Variants in TPST1 observed in about 807,000 individuals in gnomAD.
The protein encoded by TPST1 is tyrosylprotein sulfotransferase 1, also known as protein-tyrosine sulfotransferase 1.
A neutral mutation model predicts 34.8 loss-of-function variants in TPST1; 20 were observed. The observed-to-expected ratio is 0.57, with a 90% CI of 0.40 to 0.84. TPST1 has a LOEUF of 0.84. TPST1 is among the 40% of genes least tolerant of loss of function. The probability of loss-of-function intolerance (pLI) is 0.00; values close to 1 mark genes in which losing one functional copy is unlikely to be tolerated. For synonymous variants in TPST1, 152 were observed against 159.4 expected (o/e 0.95, Z 0.35); for missense variants, 353 against 455.5 (o/e 0.78, Z 2.05).
chr7:66,316,499 T>G (rs899550116), intron 3 of TPST1, among the ~76,000 whole-genome samples: 6 of 152,376 alleles, frequency 3.9e-5, no homozygotes, highest in African/African-American at 1.4e-4. Flanking sequence ...ATCATTGGTC[T>G]GTAAATAACT....
In TPST1 at chr7:66,240,992, A is replaced by G; in HGVS notation, c.567A>G (p.Ser189=). The G allele has an allele frequency of 6.2e-7, 1 of 1,614,244 alleles. No individual in the cohort carries two copies. Among genetic ancestry groups the G allele is most frequent in the South Asian group, 1.1e-5 (1 of 91,084 alleles). ...TGATGGTCCGAGATGGCCGGGCATC[A>G]GTACATTCAATGATTTCTCGAAAAG... ...FLLMVRDGRA[S]VHSMISRKVT... The change falls in exon 2 of 6, where the codon TCA becomes TCG. Residue 189 remains serine (S), a synonymous_variant. Coordinates refer to ENST00000304842, the MANE Select transcript of TPST1 (RefSeq NM_003596.4).
At chr7:66,201,460 G>A (rs1362486694), upstream of TPST1, among the ~76,000 whole-genome samples, 2 of 151,946 alleles carry the variant, frequency 1.3e-5, no homozygotes, top group Admixed American at 1.3e-4. Flanking sequence ...GGAGGCCAAG[G>A]TGGGCAGATC....
intron 1 of TPST1, among the ~76,000 whole-genome samples, chr7:66,220,035 CA>C (rs1195702078): frequency 1.3e-5 from 2 of 150,690 alleles, no homozygotes; most frequent in Admixed American, 6.6e-5. Context: ...ATTAGAAGAG[CA>C]AGGGTCAAAG....
rs139409995 is a variant in TPST1 at position 66,283,303 on chromosome 7, G to A, written c.846-3208G>A. Among the ~76,000 whole-genome samples the A allele has an allele frequency of 1.2e-3, 188 of 152,234 alleles. 1 individual carries two copies. The East Asian group carries it at 0.032, about 26-fold the overall frequency. On this transcript the variant is annotated intron_variant, in intron 2 of 5. Coordinates refer to ENST00000304842, the MANE Select transcript of TPST1 (RefSeq NM_003596.4). ...AAAACCCCAGGTTATCTCCATGAAT[G>A]TGAATATTGATGTGGTCCTTCTGTC... is the stretch of plus-strand genomic sequence containing the variant.
chr7:66,293,131 G>A (rs573215216), intron 3 of TPST1, among the ~76,000 whole-genome samples: 2 of 151,978 alleles, frequency 1.3e-5, no homozygotes, highest in East Asian at 3.9e-4. Flanking sequence ...GCATGAACCC[G>A]GGAGGCAGAG....
At chr7:66,209,408 A>G (rs895485404) in intron 1 of TPST1, among the ~76,000 whole-genome samples, 7 of 152,228 alleles carry the variant, frequency 4.6e-5, no homozygotes, top group African/African-American at 1.7e-4. Flanking sequence ...GTCCTAACAC[A>G]TAATCCTGAT....
intron 1 of TPST1, among the ~76,000 whole-genome samples, chr7:66,227,484 G>A (rs1010541550): frequency 2.0e-5 from 3 of 152,020 alleles, no homozygotes; most frequent in African/African-American, 7.2e-5. Context: ...GGGCAGTGGT[G>A]TGATCATGGC....
intron 2 of TPST1, among the ~76,000 whole-genome samples, chr7:66,256,025 G>A (rs1790376558): frequency 6.6e-6 from 1 of 152,018 alleles, no homozygotes; most frequent in African/African-American, 2.4e-5. Flanking sequence ...ATTCATTAAT[G>A]ATATTTTTCT....
At chr7:66,334,868 CT>C (rs1792064538) in intron 3 of TPST1, among the ~76,000 whole-genome samples, 1 of 152,120 alleles carries the variant, frequency 6.6e-6, no homozygotes, top group Non-Finnish European at 1.5e-5. Context: ...ATTCAGTCTC[CT>C]CACTGGTCTG....
chr7:66,218,218 C>T (rs1789465443), intron 1 of TPST1, among the ~76,000 whole-genome samples: 1 of 152,104 alleles, frequency 6.6e-6, no homozygotes, highest in African/African-American at 2.4e-5. Flanking sequence ...CTTCGTGTAG[C>T]CTTTTCTGAG....
intron 3 of TPST1, among the ~76,000 whole-genome samples, chr7:66,351,798 C>T (rs368475204): frequency 2.0e-4 from 30 of 151,860 alleles, no homozygotes; most frequent in East Asian, 7.7e-4. Context: ...TTTAATTTCT[C>T]TCAATAGTGT....
chr7:66,204,283 G>A (rs1182814911), upstream of TPST1, among the ~76,000 whole-genome samples: 1 of 152,204 alleles, frequency 6.6e-6, no homozygotes, highest in Non-Finnish European at 1.5e-5. Context: ...ATTATACTGT[G>A]TGCAAAGGAA....
At position 66,240,630 on chromosome 7, in the gene TPST1, A is replaced by C. The variant is rs1790011361; in HGVS notation, c.205A>C (p.Met69Leu). Residue 69 changes from methionine to leucine, a missense_variant, in exon 2 of 6, where the codon ATG (methionine) becomes CTG (leucine). Transcript: ENST00000304842. ...ANKTFAYHKD[M>L]PLIFIGGVPR... ...CAAAACCTTTGCCTATCACAAAGAT[A>C]TGCCTTTAATATTTATTGGAGGTGT... is the stretch of plus-strand genomic sequence containing the variant. 1 of 1,614,128 alleles carries C rather than the reference A, an allele frequency of 6.2e-7. No homozygotes were observed. The highest frequency in any genetic ancestry group is 1.3e-5 in the African/African-American group (1 of 74,948).
At chr7:66,335,675 G>T (rs747473783) in intron 3 of TPST1, among the ~76,000 whole-genome samples, 3 of 152,074 alleles carry the variant, frequency 2.0e-5, no homozygotes, top group Non-Finnish European at 4.4e-5. Context: ...CTGTTTTAGT[G>T]CAATGTTTTG....
chr7:66,315,222 AC>A (rs1395523462), intron 3 of TPST1, among the ~76,000 whole-genome samples: 1 of 152,232 alleles, frequency 6.6e-6, no homozygotes, highest in Non-Finnish European at 1.5e-5. Flanking sequence ...ATGGTGAAGC[AC>A]CCAGTAACTA....
chr7:66,225,148 C>T (rs1232213317), intron 1 of TPST1, among the ~76,000 whole-genome samples: 2 of 150,542 alleles, frequency 1.3e-5, no homozygotes. Flanking sequence ...AACTCCTGAC[C>T]TCAGGTGATC....
intron 3 of TPST1, among the ~76,000 whole-genome samples, chr7:66,306,392 T>G (rs925279304): frequency 5.9e-5 from 9 of 152,348 alleles, no homozygotes; most frequent in Admixed American, 1.3e-4. Context: ...GTGAGACCCG[T>G]GTAGGTGCAT....
intron 2 of TPST1, among the ~76,000 whole-genome samples, chr7:66,267,715 G>A (rs1790619309): frequency 6.6e-6 from 1 of 152,126 alleles, no homozygotes; most frequent in Admixed American, 6.5e-5. Flanking sequence ...GCTTTCCACA[G>A]TTATTCATTT....
chr7:66,297,367 G>A (rs1791223022), intron 3 of TPST1, among the ~76,000 whole-genome samples: 1 of 152,202 alleles, frequency 6.6e-6, no homozygotes, highest in Non-Finnish European at 1.5e-5. Context: ...AGAGGCAGAA[G>A]CTAGGTGGAA....
Sources: gnomAD v4.1 joint callset for allele counts (sites outside exome capture counted in the v4.1 genomes callset) on GRCh38, gnomAD v4.1.1 for gene constraint, MANE v1.5 for transcripts, NCBI Gene and HGNC (gene_info 2026-07-23, HGNC 2026-07-21) for gene names.